The following CLSTN2 variants were observed in gnomAD, a reference collection of about 807,000 sequenced individuals.
The protein encoded by CLSTN2 is calsyntenin 2.
CLSTN2 carries 48 observed loss-of-function variants against 101.2 expected under a neutral mutation model. The ratio of observed to expected loss-of-function variants is 0.47; its 90% CI spans 0.38 to 0.60. The LOEUF (loss-of-function observed/expected upper bound fraction) is 0.60, where lower values mean the gene tolerates loss of function less well. CLSTN2 is among the 20% of genes least tolerant of loss of function. CLSTN2 has a pLI of 0.00. For synonymous variants in CLSTN2, 481 were observed against 463.6 expected, an observed-to-expected ratio of 1.04 and a Z score of -0.48; for missense variants, 1,160 against 1,238.2, an observed-to-expected ratio of 0.94 and a Z score of 0.95.
At chr3:140,232,713 T>C (rs953512221) in intron 2 of CLSTN2, among the ~76,000 whole-genome samples, 5 of 152,208 alleles carry the variant, frequency 3.3e-5, no homozygotes, top group Non-Finnish European at 7.3e-5. Flanking sequence ...CCTTATTGTA[T>C]TTAATATTGC....
intron 2 of CLSTN2, among the ~76,000 whole-genome samples, chr3:140,232,008 A>G (rs61627775): frequency 0.04 from 6,083 of 152,276 alleles, 373 homozygotes; most frequent in African/African-American, 0.14. Flanking sequence ...TGGGTACTAT[A>G]TATCTTTGGG....
chr3:140,330,961 G>A (rs533186682), intron 2 of CLSTN2, among the ~76,000 whole-genome samples: 20 of 152,256 alleles, frequency 1.3e-4, no homozygotes, highest in Admixed American at 1.2e-3. Flanking sequence ...ATATAGAAAA[G>A]GGAATTTATT....
intron 2 of CLSTN2, among the ~76,000 whole-genome samples, chr3:140,401,620 A>C (rs1343236519): frequency 6.6e-6 from 1 of 152,150 alleles, no homozygotes; most frequent in Non-Finnish European, 1.5e-5. Flanking sequence ...ACACTCATCT[A>C]TTCTAGGTTT....
chr3:140,045,744 C>T (rs558569218), intron 1 of CLSTN2, among the ~76,000 whole-genome samples: 47 of 152,310 alleles, frequency 3.1e-4, no homozygotes, highest in Non-Finnish European at 7.4e-5. Context: ...TTTCAAAGAA[C>T]ATCTTTATTT....
At chr3:140,287,633 T>C (rs1172182068) in intron 2 of CLSTN2, among the ~76,000 whole-genome samples, 2 of 152,200 alleles carry the variant, frequency 1.3e-5, no homozygotes, top group Non-Finnish European at 1.5e-5. Context: ...AACATAGTTT[T>C]TTTTCCTAAG....
At chr3:140,379,842 T>C (rs1463042062) in intron 2 of CLSTN2, among the ~76,000 whole-genome samples, 2 of 152,168 alleles carry the variant, frequency 1.3e-5, no homozygotes, top group Non-Finnish European at 2.9e-5. Context: ...ACATAATGTA[T>C]GATCTCTACT....
chr3:139,958,702 T>C (rs140658409), intron 1 of CLSTN2, among the ~76,000 whole-genome samples: 76 of 151,798 alleles, frequency 5.0e-4, no homozygotes, highest in African/African-American at 1.7e-3. Flanking sequence ...GACAGTCTTA[T>C]GCAAAGAAAA....
chr3:140,562,991 G>A, intron 14 of CLSTN2, 35 bp downstream of exon 14: 1 of 1,612,910 alleles, frequency 6.2e-7, no homozygotes, highest in Non-Finnish European at 8.5e-7. Context: ...GGAAGCCAAG[G>A]CTCACCCATT....
chr3:140,299,777 T>C (rs536657374), intron 2 of CLSTN2, among the ~76,000 whole-genome samples: 1 of 152,370 alleles, frequency 6.6e-6, no homozygotes, highest in Non-Finnish European at 1.5e-5. Context: ...GTTTCTTCTT[T>C]GGCTATATTC....
intron 1 of CLSTN2, among the ~76,000 whole-genome samples, chr3:140,153,621 T>C (rs1233314610): frequency 6.6e-6 from 1 of 152,346 alleles, no homozygotes; most frequent in Admixed American, 6.5e-5. Context: ...TCTCAAATTG[T>C]TACCTCACCT....
At position 140,426,443 on chromosome 3, in the gene CLSTN2, C is replaced by A. The variant is rs562363430; in HGVS notation, c.787+5169C>A. Among the ~76,000 whole-genome samples the A allele has an allele frequency of 2.0e-5, 3 of 152,346 alleles. No individual in the cohort carries two copies. The South Asian group carries it at 6.2e-4, about 32-fold the overall frequency. The stretch of plus-strand genomic sequence containing the variant: ...GTTTCCAGCTCCATCCATGTCCCTG[C>A]AAAGGACATGATCTTGTTCCTTTTT... On this transcript the variant is annotated intron_variant, in intron 5 of 16. Coordinates refer to ENST00000458420, the MANE Select transcript of CLSTN2 (RefSeq NM_022131.3).
intron 5 of CLSTN2, among the ~76,000 whole-genome samples, chr3:140,434,974 G>A (rs1334781632): frequency 1.3e-5 from 2 of 152,108 alleles, no homozygotes; most frequent in Non-Finnish European, 2.9e-5. Context: ...GGGTTCATGA[G>A]ATGTTTTGAT....
intron 4 of CLSTN2, among the ~76,000 whole-genome samples, chr3:140,419,845 G>T: frequency 1.1e-5 from 1 of 88,546 alleles, no homozygotes; most frequent in Non-Finnish European, 1.9e-5. Context: ...ATATATATGT[G>T]TATATATATA....
intron 2 of CLSTN2, among the ~76,000 whole-genome samples, chr3:140,213,506 A>C (rs2010883863): frequency 6.6e-6 from 1 of 152,206 alleles, no homozygotes; most frequent in African/African-American, 2.4e-5. Context: ...TTCTCTGCTG[A>C]TTCTTAGCAG....
intron 2 of CLSTN2, among the ~76,000 whole-genome samples, chr3:140,308,867 G>A (rs560019674): frequency 9.2e-5 from 14 of 152,138 alleles, no homozygotes; most frequent in African/African-American, 2.4e-4. Context: ...CTCCCTAAGC[G>A]CAGCTCTAAT....
intron 2 of CLSTN2, among the ~76,000 whole-genome samples, chr3:140,258,167 C>T (rs1157500056): frequency 6.6e-6 from 1 of 151,838 alleles, no homozygotes; most frequent in Non-Finnish European, 1.5e-5. Flanking sequence ...TTTTTCAGCC[C>T]GCTTTTATTG....
At chr3:140,435,641 C>G (rs2088678270) in intron 5 of CLSTN2, among the ~76,000 whole-genome samples, 1 of 152,202 alleles carries the variant, frequency 6.6e-6, no homozygotes, top group Non-Finnish European at 1.5e-5. Context: ...TGAGGAATCT[C>G]AAAACCGTTC....
intron 1 of CLSTN2, among the ~76,000 whole-genome samples, chr3:139,989,526 C>T (rs747999628): frequency 1.3e-4 from 20 of 152,170 alleles, no homozygotes; most frequent in Non-Finnish European, 2.5e-4. Flanking sequence ...TGTTGCAGGG[C>T]CCTTTGCTCT....
chr3:140,131,862 G>C (rs765211697), intron 1 of CLSTN2, among the ~76,000 whole-genome samples: 3 of 152,024 alleles, frequency 2.0e-5, no homozygotes, highest in Non-Finnish European at 4.4e-5. Context: ...CACCGAGAGC[G>C]GGCTAAAACT....
Sources: gnomAD v4.1 joint callset for allele counts (sites outside exome capture counted in the v4.1 genomes callset) on GRCh38, gnomAD v4.1.1 for gene constraint, MANE v1.5 for transcripts, NCBI Gene and HGNC (gene_info 2026-07-23, HGNC 2026-07-21) for gene names.